Variants in ZNF385D observed in about 807,000 individuals in gnomAD.
ZNF385D encodes zinc finger protein 659.
A neutral mutation model predicts 35.8 loss-of-function variants in ZNF385D; 15 were observed. That is an observed-to-expected ratio of 0.42 (90% CI 0.28 to 0.64). The LOEUF is 0.64. ZNF385D is among the 30% of genes least tolerant of loss of function. ZNF385D has a pLI of 0.23. For missense variants in ZNF385D, 474 were observed against 494.6 expected, an observed-to-expected ratio of 0.96 and a Z score of 0.39; for synonymous variants, 212 against 186.8, an observed-to-expected ratio of 1.13 and a Z score of -1.10.
intron 3 of ZNF385D, among the ~76,000 whole-genome samples, chr3:21,827,491 T>C (rs531935530): frequency 1.2e-4 from 18 of 152,334 alleles, no homozygotes; most frequent in Admixed American, 2.6e-4. Flanking sequence ...ACATCTCTTA[T>C]AGTAGGTTAC....
chr3:22,216,203 T>C (rs1364582914), intron 2 of ZNF385D, among the ~76,000 whole-genome samples: 2 of 152,108 alleles, frequency 1.3e-5, no homozygotes, highest in Non-Finnish European at 2.9e-5. Flanking sequence ...AGAATATTTT[T>C]TCCTTATGTT....
At chr3:21,997,806 C>T (rs1195473510) in intron 3 of ZNF385D, among the ~76,000 whole-genome samples, 1 of 151,740 alleles carries the variant, frequency 6.6e-6, no homozygotes, top group Non-Finnish European at 1.5e-5. Context: ...AACTCAAAGT[C>T]TCTGGATAGA....
intron 1 of ZNF385D, among the ~76,000 whole-genome samples, chr3:21,689,073 A>C (rs758575804): frequency 1.3e-5 from 2 of 151,516 alleles, no homozygotes; most frequent in Non-Finnish European, 2.9e-5. Context: ...GAACATCTAA[A>C]GATTTTTCTG....
intron 2 of ZNF385D, among the ~76,000 whole-genome samples, chr3:22,312,317 C>T (rs1472176148): frequency 6.6e-6 from 1 of 152,082 alleles, no homozygotes; most frequent in African/African-American, 2.4e-5. Context: ...TTTGAAATCA[C>T]ACCATTAGAG....
intron 2 of ZNF385D, among the ~76,000 whole-genome samples, chr3:22,218,113 A>G (rs559765509): frequency 5.3e-5 from 8 of 152,246 alleles, no homozygotes; most frequent in Admixed American, 2.0e-4. Flanking sequence ...TCATTCAACA[A>G]GACTGTAAAT....
chr3:21,720,891 C>T lies in ZNF385D; in HGVS notation c.22+30004G>A, dbSNP rs140988729. Among the ~76,000 whole-genome samples the T allele has an allele frequency of 7.3e-4, 111 of 152,142 alleles. No homozygotes were observed. In the East Asian group the frequency reaches 0.019, roughly 25 times the overall value. The stretch of plus-strand genomic sequence containing the variant: ...GATTTCCATATGGTGACAAAAAGTG[C>T]GTGATTGCAACCACGCAATTATTTG... On this transcript the variant is annotated intron_variant, in intron 1 of 7. Coordinates refer to ENST00000281523, the MANE Select transcript of ZNF385D (RefSeq NM_024697.3).
intron 3 of ZNF385D, among the ~76,000 whole-genome samples, chr3:21,998,344 C>T (rs1452467969): frequency 6.6e-6 from 1 of 152,164 alleles, no homozygotes; most frequent in African/African-American, 2.4e-5. Context: ...TGTTGGCTTG[C>T]TCTTGAATTC....
intron 2 of ZNF385D, among the ~76,000 whole-genome samples, chr3:21,578,250 G>C (rs2063551652): frequency 6.6e-6 from 1 of 152,088 alleles, no homozygotes; most frequent in Non-Finnish European, 1.5e-5. Flanking sequence ...TGAATAGTTT[G>C]CAAATATTTT....
chr3:22,368,181 A>C (rs2125231011), intron 2 of ZNF385D, among the ~76,000 whole-genome samples: 1 of 152,342 alleles, frequency 6.6e-6, no homozygotes, highest in East Asian at 1.9e-4. Flanking sequence ...ATAGGTAAAT[A>C]AATAAAGTAA....
intron 1 of ZNF385D, among the ~76,000 whole-genome samples, chr3:21,742,965 C>G (rs186873813): frequency 6.6e-6 from 1 of 152,268 alleles, no homozygotes; most frequent in Non-Finnish European, 1.5e-5. Context: ...AACTGTTTAC[C>G]ATGTACTTTC....
At chr3:22,000,903 G>GA (rs1695799181) in intron 3 of ZNF385D, among the ~76,000 whole-genome samples, 1 of 148,006 alleles carries the variant, frequency 6.8e-6, no homozygotes. Context: ...ATTTAAGGGA[G>GA]TTTTTTTTTT....
intron 5 of ZNF385D, among the ~76,000 whole-genome samples, chr3:21,429,803 A>T (rs2125213657): frequency 6.6e-6 from 1 of 152,266 alleles, no homozygotes; most frequent in African/African-American, 2.4e-5. Flanking sequence ...CTAGATTTTT[A>T]ACAAACTCAT....
At chr3:22,050,284 C>T (rs1248048241) in intron 3 of ZNF385D, among the ~76,000 whole-genome samples, 1 of 151,834 alleles carries the variant, frequency 6.6e-6, no homozygotes, top group Non-Finnish European at 1.5e-5. Context: ...ACTGCTTGAG[C>T]CCCAGAGGTT....
intron 2 of ZNF385D, among the ~76,000 whole-genome samples, chr3:22,289,095 G>A (rs2125394120): frequency 6.6e-6 from 1 of 152,166 alleles, no homozygotes; most frequent in Non-Finnish European, 1.5e-5. Flanking sequence ...GCTGACAGCA[G>A]AAGACAATCT....
At chr3:22,095,752 T>C (rs933393717) in intron 3 of ZNF385D, among the ~76,000 whole-genome samples, 115 of 152,144 alleles carry the variant, frequency 7.6e-4, no homozygotes, top group African/African-American at 2.5e-3. Flanking sequence ...ATAATTTCAT[T>C]ATGTGGCATC....
chr3:21,668,508 G>A (rs1414865740), intron 1 of ZNF385D, among the ~76,000 whole-genome samples: 2 of 152,132 alleles, frequency 1.3e-5, no homozygotes, highest in Non-Finnish European at 2.9e-5. Flanking sequence ...AGAATAACTT[G>A]ATCTGTGACA....
intron 2 of ZNF385D, among the ~76,000 whole-genome samples, chr3:21,635,254 TAAAACA>T (rs2065394086): frequency 6.6e-6 from 1 of 152,100 alleles, no homozygotes; most frequent in African/African-American, 2.4e-5. Context: ...CATTGGTTTA[TAAAACA>T]AAAACAAAAC....
At chr3:22,199,850 A>C (rs978143222) in intron 2 of ZNF385D, among the ~76,000 whole-genome samples, 2 of 152,154 alleles carry the variant, frequency 1.3e-5, no homozygotes, top group African/African-American at 4.8e-5. Flanking sequence ...TTACATTTTT[A>C]AACAGGATAA....
chr3:21,805,549 G>C (rs1046571796), intron 3 of ZNF385D, among the ~76,000 whole-genome samples: 1 of 152,182 alleles, frequency 6.6e-6, no homozygotes, highest in East Asian at 1.9e-4. Context: ...TTAAGATTCA[G>C]AGATTTGGCT....
Sources: allele counts gnomAD v4.1 joint callset (sites outside exome capture counted in the v4.1 genomes callset), GRCh38; gene constraint gnomAD v4.1.1; transcripts MANE v1.5; gene names NCBI Gene and HGNC (gene_info 2026-07-23, HGNC 2026-07-21).